The following MCF2L2 variants were observed in gnomAD, a reference collection of about 807,000 sequenced individuals.
The protein encoded by MCF2L2 is probable guanine nucleotide exchange factor MCF2L2.
In MCF2L2, 102 loss-of-function variants were observed where a neutral mutation model predicts 150.2. That is an observed-to-expected ratio of 0.68 (90% CI 0.58 to 0.80). The LOEUF (loss-of-function observed/expected upper bound fraction) is 0.80. MCF2L2 is among the 30% of genes least tolerant of loss of function. The pLI, the probability that MCF2L2 is intolerant of heterozygous loss-of-function variation, is 0.00. For missense variants in MCF2L2, 1,256 were observed against 1,372.8 expected, an observed-to-expected ratio of 0.91 and a Z score of 1.34; for synonymous variants, 465 against 491.3, an observed-to-expected ratio of 0.95 and a Z score of 0.71.
chr3:183,205,936 T>C lies in MCF2L2; in HGVS notation c.2824A>G (p.Arg942Gly). Residue 942 changes from arginine to glycine, a missense_variant, in exon 25 of 30, where the codon AGA (arginine) becomes GGA (glycine). Transcript: ENST00000328913. Reference protein sequence around the residue: ...YILQAASKEIRDCWFSEISKL... With the variant: ...YILQAASKEIGDCWFSEISKL... ...CTTATTTCTGAAAACCAACAGTCTC[T>C]GATTTCTTTTGAAGCTGCCTGCAAT... The C allele has an allele frequency of 6.2e-7, 1 of 1,614,016 alleles. No homozygotes were observed. The highest frequency in any genetic ancestry group is 1.1e-5 in the South Asian group (1 of 91,074).
At chr3:183,329,169 A>G (rs1373530511) in intron 5 of MCF2L2, among the ~76,000 whole-genome samples, 1 of 152,166 alleles carries the variant, frequency 6.6e-6, no homozygotes, top group Non-Finnish European at 1.5e-5. Context: ...CCCAGCAAAC[A>G]CATGTATGTG....
intron 26 of MCF2L2, among the ~76,000 whole-genome samples, chr3:183,194,958 T>G (rs1394499594): frequency 6.6e-6 from 1 of 152,034 alleles, no homozygotes; most frequent in Non-Finnish European, 1.5e-5. Context: ...TTTGTATTTT[T>G]TTTTGTTAGA....
chr3:183,341,687 G>A, intron 3 of MCF2L2, 57 bp from the exon 4 acceptor site: 1 of 1,215,872 alleles, frequency 8.2e-7, no homozygotes, highest in Non-Finnish European at 1.2e-6. Flanking sequence ...GCTCCATGTG[G>A]CTCCCACAGC....
intron 15 of MCF2L2, chr3:183,266,164 C>T (rs545698864): frequency 6.6e-6 from 1 of 152,340 alleles, no homozygotes; most frequent in African/African-American, 2.4e-5. Context: ...ATACTAGCAC[C>T]TTTAATGAGT....
rs141500285 is a variant in MCF2L2, at chr3:183,190,506, G to A, written c.3016+2493C>T. 2.2e-3 allele frequency among the ~76,000 whole-genome samples: 331 copies of A among 152,380 alleles called. 2 individuals carry two copies. The highest frequency in any genetic ancestry group is 9.9e-3 in the Admixed American group (152 of 15,310). Reference sequence around the variant, plus strand: ...TGAAGGCCGAAGCTAGGGCAGGGAAGAAGCCAGGCACAGACGTGGGCTTAG... The same window carrying A: ...TGAAGGCCGAAGCTAGGGCAGGGAAAAAGCCAGGCACAGACGTGGGCTTAG... On this transcript the variant is annotated intron_variant, in intron 27 of 29. Coordinates refer to ENST00000328913, the MANE Select transcript of MCF2L2 (RefSeq NM_015078.4).
At chr3:183,260,506 T>C (rs1725483886) in intron 15 of MCF2L2, among the ~76,000 whole-genome samples, 1 of 152,206 alleles carries the variant, frequency 6.6e-6, no homozygotes, top group African/African-American at 2.4e-5. Context: ...GCTTTTTTAT[T>C]TGTTTCAAAT....
At position 183,379,304 on chromosome 3, in the gene MCF2L2, T is replaced by C. The variant is rs1209046949; in HGVS notation, c.268A>G (p.Ile90Val). 8.1e-6 allele frequency: 13 copies of C among 1,606,272 alleles called. No individual in the cohort carries two copies. Among genetic ancestry groups the C allele is most frequent in the Non-Finnish European group, 1.1e-5 (13 of 1,176,690 alleles). Reference sequence around the variant, plus strand: ...ACACTGTGCTCAGCTCACCTGGGGATGCTAGTCAGGTAGGTCATGACATTC... The same window carrying C: ...ACACTGTGCTCAGCTCACCTGGGGACGCTAGTCAGGTAGGTCATGACATTC... ...FLNVMTYLTS[I>V]PSVEAASIGF... is the part of the protein sequence containing the mutation. Residue 90 changes from isoleucine (I) to valine (V), a missense_variant, in exon 3 of 30, where the codon ATC becomes GTC. By Grantham distance (29) the Ile-to-Val change is conservative. Coordinates refer to ENST00000328913, the MANE Select transcript of MCF2L2 (RefSeq NM_015078.4).
chr3:183,338,321 C>G (rs531137576), intron 5 of MCF2L2, among the ~76,000 whole-genome samples: 1 of 152,072 alleles, frequency 6.6e-6, no homozygotes, highest in East Asian at 1.9e-4. Flanking sequence ...GTGGCGCATG[C>G]CTATAATCCC....
At chr3:183,355,087 A>ATTTAT (rs1334835853) in intron 3 of MCF2L2, among the ~76,000 whole-genome samples, 2 of 150,140 alleles carry the variant, frequency 1.3e-5, no homozygotes, top group Admixed American at 1.3e-4. Context: ...ATTATTTATT[A>ATTTAT]TTTATTTTAT....
chr3:183,241,900 C>A (rs1454269897), intron 15 of MCF2L2, among the ~76,000 whole-genome samples: 6 of 152,134 alleles, frequency 3.9e-5, no homozygotes, highest in Non-Finnish European at 1.5e-5. Flanking sequence ...GCAATAAAGT[C>A]CAGGCTGAGG....
chr3:183,353,212 T>C (rs567518381), intron 3 of MCF2L2, among the ~76,000 whole-genome samples: 5 of 152,268 alleles, frequency 3.3e-5, no homozygotes, highest in Admixed American at 1.3e-4. Flanking sequence ...AATGTAGAGT[T>C]ATAGAAAACT....
At chr3:183,377,942 A>C (rs1162742020) in intron 3 of MCF2L2, 1 of 152,242 alleles carries the variant, frequency 6.6e-6, no homozygotes, top group Non-Finnish European at 1.5e-5. Flanking sequence ...AATTGATGAA[A>C]TATATTTAAG....
chr3:183,335,939 T>C (rs759814798), intron 5 of MCF2L2, among the ~76,000 whole-genome samples: 2 of 152,200 alleles, frequency 1.3e-5, no homozygotes, highest in Non-Finnish European at 2.9e-5. Flanking sequence ...TCCTTCCATG[T>C]GAGGCCAAAG....
intron 15 of MCF2L2, among the ~76,000 whole-genome samples, chr3:183,274,120 CAGG>C (rs1369083594): frequency 6.6e-6 from 1 of 151,740 alleles, no homozygotes; most frequent in Non-Finnish European, 1.5e-5. Flanking sequence ...GAGGCTGAGG[CAGG>C]AGAATTGCTT....
chr3:183,327,705 CTGT>C (rs1180758448), intron 5 of MCF2L2, among the ~76,000 whole-genome samples: 3 of 152,194 alleles, frequency 2.0e-5, no homozygotes, highest in African/African-American at 7.2e-5. Flanking sequence ...CTCTCCCTGT[CTGT>C]TATTTAGGCT....
At chr3:183,269,621 G>T in intron 15 of MCF2L2, 1 of 580,942 alleles carries the variant, frequency 1.7e-6, no homozygotes, top group South Asian at 2.5e-5. Context: ...CCATTCTTCC[G>T]CAATCTCAGA....
Position 183,193,040 on chromosome 3 carries a change from G to C in MCF2L2, c.2975C>G (p.Thr992Ser), listed in dbSNP as rs1232125820. The change falls in exon 27 of 30, where the codon ACT (threonine) becomes AGT (serine). Residue 992 changes from threonine (T) to serine (S), a missense_variant. Thr to Ser is a moderately conservative substitution (Grantham distance 58). Coordinates refer to ENST00000328913, the MANE Select transcript of MCF2L2 (RefSeq NM_015078.4). ...PWIKNMERATTSKEDPASSTG... is the reference protein window; with the variant it reads ...PWIKNMERATSSKEDPASSTG... ...GCTGGAGGCCGGGTCTTCCTTGCTA[G>C]TGGTAGCTCTTTCCATATTTTTAAT... The C allele has an allele frequency of 1.9e-6, 3 of 1,614,032 alleles. No homozygotes were observed. In the African/African-American group the frequency reaches 4.0e-5, roughly 22 times the overall value.
intron 5 of MCF2L2, among the ~76,000 whole-genome samples, chr3:183,338,544 G>A (rs909617775): frequency 6.6e-6 from 1 of 151,550 alleles, no homozygotes; most frequent in African/African-American, 2.4e-5. Flanking sequence ...TCACACTGAA[G>A]ATCTAGTCCT....
intron 3 of MCF2L2, among the ~76,000 whole-genome samples, chr3:183,343,000 G>T (rs1001359183): frequency 2.6e-5 from 4 of 152,112 alleles, no homozygotes; most frequent in Non-Finnish European, 4.4e-5. Context: ...ACTGACCCAG[G>T]TTATCTTGCT....
Sources: allele counts gnomAD v4.1 joint callset (sites outside exome capture counted in the v4.1 genomes callset), GRCh38; gene constraint gnomAD v4.1.1; transcripts MANE v1.5; gene names NCBI Gene and HGNC (gene_info 2026-07-23, HGNC 2026-07-21).